The following CFAP20 variants were observed in gnomAD, a reference collection of about 807,000 sequenced individuals.
CFAP20 encodes the protein cilia and flagella associated protein 20.
Under a neutral mutation model 25.5 loss-of-function variants are expected in CFAP20, and 14 were observed. The observed-to-expected ratio is 0.55, with a 90% CI of 0.36 to 0.86. CFAP20 has a LOEUF of 0.86. Ranked by LOEUF, CFAP20 falls within the 40% of genes least tolerant of loss-of-function variation. The pLI, the probability that CFAP20 is intolerant of heterozygous loss-of-function variation, is 0.01. For synonymous variants in CFAP20, 75 were observed against 91.1 expected (o/e 0.82, Z 1.01); for missense variants, 181 against 248.0 (o/e 0.73, Z 1.81).
intron 1 of CFAP20, among the ~76,000 whole-genome samples, chr16:58,124,733 G>C (rs1960587897): frequency 6.6e-6 from 1 of 152,252 alleles, no homozygotes; most frequent in African/African-American, 2.4e-5. Flanking sequence ...TGAGTGAGTG[G>C]TGAGTGAATG....
chr16:58,114,986 T>C, intron 4 of CFAP20, 66 bp from the exon 5 acceptor site: 1 of 1,390,482 alleles, frequency 7.2e-7, no homozygotes. Context: ...CTGAATCTTC[T>C]AGAGGCCCTC....
chr16:58,122,290 C>T (rs1043455641), intron 1 of CFAP20, among the ~76,000 whole-genome samples: 1 of 152,176 alleles, frequency 6.6e-6, no homozygotes, highest in African/African-American at 2.4e-5. Flanking sequence ...AATTAAAACC[C>T]ATGTCTTCGG....
intron 1 of CFAP20, among the ~76,000 whole-genome samples, chr16:58,125,389 T>A (rs1195993116): frequency 1.3e-5 from 2 of 152,220 alleles, no homozygotes; most frequent in Non-Finnish European, 2.9e-5. Context: ...GAGTACATTC[T>A]AAAATTATGA....
chr16:58,114,100 C>A, intron 5 of CFAP20, 70 bp from the exon 6 acceptor site: 1 of 1,510,788 alleles, frequency 6.6e-7, no homozygotes, highest in Non-Finnish European at 9.2e-7. Context: ...TGTCACAGGC[C>A]CCCTGCCTCT....
intron 1 of CFAP20, among the ~76,000 whole-genome samples, chr16:58,123,595 CAAAAAAAAAAAAAAAAAAAA>C (rs574037205): frequency 8.7e-5 from 4 of 45,720 alleles, no homozygotes; most frequent in African/African-American, 2.9e-4. Context: ...GACTCTGTCT[CAAAAAAAAAAAAAAAAAAAA>C]AAAAAAAAAA....
At chr16:58,120,093 C>A (rs562734045) in intron 1 of CFAP20, among the ~76,000 whole-genome samples, 1 of 152,202 alleles carries the variant, frequency 6.6e-6, no homozygotes, top group Admixed American at 6.5e-5. Context: ...GAAAACCAAG[C>A]AGATTCAGTG....
intron 5 of CFAP20, 111 bp downstream of exon 5, chr16:58,114,699 A>C (rs1960433248): frequency 1.3e-6 from 1 of 790,146 alleles, no homozygotes; most frequent in African/African-American, 1.7e-5. Context: ...AGGCACCCCA[A>C]AGTGTCAACA....
At chr16:58,121,286 G>A (rs903268171) in intron 1 of CFAP20, among the ~76,000 whole-genome samples, 4 of 152,190 alleles carry the variant, frequency 2.6e-5, no homozygotes, top group Non-Finnish European at 4.4e-5. Flanking sequence ...AAGTATCAAC[G>A]TCCTTTCCTT....
Position 58,114,009 on chromosome 16 carries a change from C to G in CFAP20, c.*16G>C. On this transcript the variant is annotated 3_prime_UTR_variant, in exon 6 of 6. Transcript: ENST00000262498. ...GAGTCACATCCAGGGGTCTATCCCT[C>G]GAGTCACAATTCCAGTTATTGCTGA... 2 of 1,613,036 alleles carry G rather than the reference C, an allele frequency of 1.2e-6. No individual in the cohort carries two copies. Among genetic ancestry groups the G allele is most frequent in the Non-Finnish European group, 1.7e-6 (2 of 1,179,002 alleles).
intron 1 of CFAP20, among the ~76,000 whole-genome samples, chr16:58,120,890 C>T (rs1960525649): frequency 6.6e-6 from 1 of 152,094 alleles, no homozygotes; most frequent in Non-Finnish European, 1.5e-5. Flanking sequence ...TGTTTAACCC[C>T]CGATGAAGAA....
intron 3 of CFAP20, 109 bp from the exon 4 acceptor site, chr16:58,115,566 A>G: frequency 3.8e-6 from 5 of 1,314,864 alleles, no homozygotes; most frequent in Non-Finnish European, 5.3e-6. Flanking sequence ...CAAGGCTGAG[A>G]CTTAGAGGAA....
chr16:58,116,629 A>G, intron 2 of CFAP20: 1 of 527,728 alleles, frequency 1.9e-6, no homozygotes, highest in South Asian at 3.0e-5. Context: ...TACGTGTTTT[A>G]TATATATTCA....
Position 58,129,165 on chromosome 16 carries a change from G to A in CFAP20, c.-50C>T. The A allele has an allele frequency of 6.3e-7, 1 of 1,596,894 alleles. No homozygotes were observed. On this transcript the variant is annotated 5_prime_UTR_variant, in exon 1 of 6. Transcript: ENST00000262498. ...CGCCCCCGGAGCCGACCTAGGCCCC[G>A]GAGTAGATACAGGCACCGAGCGTCG...
intron 4 of CFAP20, 37 bp downstream of exon 4, chr16:58,115,232 C>T: frequency 1.2e-6 from 2 of 1,612,710 alleles, no homozygotes; most frequent in Non-Finnish European, 1.7e-6. Flanking sequence ...TGTGCCCTAT[C>T]CCCAACCCAG....
Position 58,113,962 on chromosome 16 carries a change from C to T in CFAP20, c.*63G>A, listed in dbSNP as rs1960419343. 3.4e-5 allele frequency: 53 copies of T among 1,552,536 alleles called. No homozygotes were observed. In the South Asian group the frequency reaches 5.9e-4, roughly 17 times the overall value. On this transcript the variant is annotated 3_prime_UTR_variant, in exon 6 of 6. Transcript: ENST00000262498. Reference sequence around the variant, plus strand: ...AAATATGTTTTTGCATCGTCCTCCACATAGTTTCCTTTTAAAAAGAAGAGT... The same window carrying T: ...AAATATGTTTTTGCATCGTCCTCCATATAGTTTCCTTTTAAAAAGAAGAGT...
intron 3 of CFAP20, chr16:58,115,675 CAT>C: frequency 1.7e-6 from 1 of 597,494 alleles, no homozygotes; most frequent in South Asian, 2.0e-5. Flanking sequence ...CTGCTTATGA[CAT>C]ATAACACAGT....
chr16:58,114,063 T>G (rs1597085560), intron 5 of CFAP20, 33 bp from the exon 6 acceptor site: 4 of 1,611,686 alleles, frequency 2.5e-6, no homozygotes, highest in Non-Finnish European at 3.4e-6. Flanking sequence ...TGGCATCAGT[T>G]TAAGTTACTA....
Position 58,114,894 on chromosome 16 carries a change from C to T in CFAP20, c.492G>A (p.Arg164=), listed in dbSNP as rs1208044366. ...AGTAGAGTCTGTCTGAGAAGTAAAC[C>T]CGTCGGATGCGACAATTTGCATGGA... The part of the protein sequence containing the change: ...VQIHANCRIR[R]VYFSDRLYSE... Residue 164 remains arginine (R), a synonymous_variant, in exon 5 of 6, where the codon CGG becomes CGA. Transcript: ENST00000262498. The T allele has an allele frequency of 1.2e-6, 2 of 1,614,014 alleles. No individual in the cohort carries two copies. The highest frequency in any genetic ancestry group is 4.5e-5 in the East Asian group (2 of 44,872).
intron 1 of CFAP20, chr16:58,117,173 T>A: frequency 1.8e-6 from 1 of 540,586 alleles, no homozygotes; most frequent in Middle Eastern, 4.8e-4. Context: ...GGGAAACTTC[T>A]CCCCAAATAC....
Sources: gnomAD v4.1 joint callset for allele counts (sites outside exome capture counted in the v4.1 genomes callset) on GRCh38, gnomAD v4.1.1 for gene constraint, MANE v1.5 for transcripts, NCBI Gene and HGNC (gene_info 2026-07-23, HGNC 2026-07-21) for gene names.